INTS9: variants seen among roughly 807,000 people sequenced by gnomAD.
The protein encoded by INTS9 is integrator complex subunit 9.
A neutral mutation model predicts 79.7 loss-of-function variants in INTS9; 55 were observed. The ratio of observed to expected loss-of-function variants is 0.69; its 90% confidence interval spans 0.56 to 0.86. The LOEUF is 0.86. Ranked by LOEUF, INTS9 falls within the 40% of genes least tolerant of loss-of-function variation. The pLI, the probability that INTS9 is intolerant of heterozygous loss-of-function variation, is 0.00. For missense variants in INTS9, 721 were observed against 831.5 expected, an observed-to-expected ratio of 0.87 and a Z score of 1.64; for synonymous variants, 319 against 325.2, an observed-to-expected ratio of 0.98 and a Z score of 0.20.
intron 6 of INTS9, among the ~76,000 whole-genome samples, chr8:28,826,358 T>C (rs1273605475): frequency 6.6e-6 from 1 of 152,148 alleles, no homozygotes; most frequent in Non-Finnish European, 1.5e-5. Flanking sequence ...ACGTGTCCCG[T>C]CTGAACTGCA....
intron 5 of INTS9, among the ~76,000 whole-genome samples, chr8:28,836,232 GCTCT>G (rs1417190165): frequency 3.3e-5 from 5 of 152,298 alleles, no homozygotes; most frequent in African/African-American, 1.2e-4. Flanking sequence ...CAGAAGACTA[GCTCT>G]CTCTGAGATG....
At chr8:28,822,759 T>C (rs1400351124) in intron 6 of INTS9, among the ~76,000 whole-genome samples, 2 of 152,248 alleles carry the variant, frequency 1.3e-5, no homozygotes, top group Non-Finnish European at 2.9e-5. Flanking sequence ...TATAATGTTT[T>C]CAATATTGTA....
Position 28,889,954 on chromosome 8 carries a change from C to A in INTS9, c.-72G>T. On this transcript the variant is annotated 5_prime_UTR_variant, in exon 1 of 17. Transcript: ENST00000521022. Reference sequence around the variant, plus strand: ...CAGGAAGCGTCTTCCGGTGCAATCTCCGCCACCTGCCAGCCGAGAGCATCG... The same window carrying A: ...CAGGAAGCGTCTTCCGGTGCAATCTACGCCACCTGCCAGCCGAGAGCATCG... 2 of 1,250,610 alleles carry A rather than the reference C, an allele frequency of 1.6e-6. No homozygotes were observed. The highest frequency in any genetic ancestry group is 2.4e-5 in the South Asian group (2 of 81,712). The allele number at this position is 1,250,610 out of a possible 1,614,324, so 77.5% of individuals were successfully genotyped here.
intron 2 of INTS9, among the ~76,000 whole-genome samples, chr8:28,855,198 G>A (rs142564178): frequency 7.6e-4 from 115 of 152,312 alleles, no homozygotes; most frequent in African/African-American, 2.5e-3. Flanking sequence ...AACAATACAT[G>A]TGACTGCTCT....
intron 1 of INTS9, among the ~76,000 whole-genome samples, chr8:28,870,985 G>A (rs528745621): frequency 6.6e-6 from 1 of 152,340 alleles, no homozygotes; most frequent in African/African-American, 2.4e-5. Context: ...AGTTTTTAAA[G>A]ACAGCGAACA....
At chr8:28,882,230 C>T (rs1186140923) in intron 1 of INTS9, among the ~76,000 whole-genome samples, 1 of 130,762 alleles carries the variant, frequency 7.6e-6, no homozygotes, top group African/African-American at 2.7e-5. Flanking sequence ...GCAAGATGTG[C>T]TTTGTTAAAC....
At chr8:28,873,502 A>C (rs769412221) in intron 1 of INTS9, among the ~76,000 whole-genome samples, 1 of 152,374 alleles carries the variant, frequency 6.6e-6, no homozygotes, top group African/African-American at 2.4e-5. Flanking sequence ...CATTTAAATG[A>C]AGTTCAAGAA....
intron 9 of INTS9, among the ~76,000 whole-genome samples, chr8:28,795,594 C>A (rs982333030): frequency 7.8e-6 from 1 of 128,990 alleles, no homozygotes; most frequent in Admixed American, 9.7e-5. Context: ...GAGCCAAGAT[C>A]GTGCCACTGC....
intron 1 of INTS9, among the ~76,000 whole-genome samples, chr8:28,873,836 T>C (rs566458305): frequency 6.6e-6 from 1 of 152,204 alleles, no homozygotes; most frequent in African/African-American, 2.4e-5. Flanking sequence ...GGATCCCCCC[T>C]TCCCACTATC....
chr8:28,823,354 G>T (rs1472321158), intron 6 of INTS9, among the ~76,000 whole-genome samples: 2 of 151,856 alleles, frequency 1.3e-5, no homozygotes, highest in Non-Finnish European at 2.9e-5. Context: ...GAAAGGGAAT[G>T]GAGTTCGAGA....
intron 1 of INTS9, among the ~76,000 whole-genome samples, chr8:28,885,189 A>G (rs1810117822): frequency 1.3e-5 from 2 of 152,246 alleles, no homozygotes; most frequent in Admixed American, 6.5e-5. Flanking sequence ...CAAAGGAGCA[A>G]AGACCACTGA....
chr8:28,816,310 C>G (rs184048573), intron 6 of INTS9, among the ~76,000 whole-genome samples: 1 of 123,590 alleles, frequency 8.1e-6, no homozygotes, highest in African/African-American at 3.0e-5. Context: ...CCCCTCCCCC[C>G]ACCCACAACA....
intron 1 of INTS9, among the ~76,000 whole-genome samples, chr8:28,883,466 A>T (rs1219406034): frequency 6.6e-6 from 1 of 152,242 alleles, no homozygotes; most frequent in Non-Finnish European, 1.5e-5. Flanking sequence ...AAAAGTAAAG[A>T]AACAGCATCA....
intron 1 of INTS9, among the ~76,000 whole-genome samples, chr8:28,879,877 AGAC>A (rs1809603192): frequency 6.6e-6 from 1 of 152,176 alleles, no homozygotes; most frequent in Non-Finnish European, 1.5e-5. Context: ...AAATCTACCG[AGAC>A]TCGTGGTTGC....
rs138158389 is a variant in INTS9 at position 28,831,704 on chromosome 8, T to C, written c.488+3588A>G. The stretch of plus-strand genomic sequence containing the variant: ...CCCAAGATTTGGGAGTCAGGAAATA[T>C]TGCCCTTTTTTTTAGACAGAGTCTC... On this transcript the variant is annotated intron_variant, in intron 6 of 16. Coordinates refer to ENST00000521022, the MANE Select transcript of INTS9 (RefSeq NM_018250.4). 8.5e-5 allele frequency among the ~76,000 whole-genome samples: 13 copies of C among 152,192 alleles called. No individual in the cohort carries two copies. In the East Asian group the frequency reaches 2.5e-3, roughly 29 times the overall value.
rs566453227 is a variant in INTS9, at chr8:28,880,406, G to A, written c.9+9468C>T. On this transcript the variant is annotated intron_variant, in intron 1 of 16. Coordinates refer to ENST00000521022, the MANE Select transcript of INTS9 (RefSeq NM_018250.4). ...GCCGAGTGCCTGCGATTGCAGGCGC[G>A]TGCCGCCACGCCTGACTGGTTTTCG... Among the ~76,000 whole-genome samples the A allele has an allele frequency of 3.3e-5, 5 of 152,168 alleles. No individual in the cohort carries two copies. The East Asian group carries it at 5.8e-4, about 18-fold the overall frequency.
chr8:28,860,476 T>G (rs773169706), intron 1 of INTS9, among the ~76,000 whole-genome samples: 2 of 140,380 alleles, frequency 1.4e-5, no homozygotes, highest in South Asian at 2.2e-4. Context: ...CATTCTCTCC[T>G]TTTTTTTTTT....
rs1803238792 is a variant in INTS9 at position 28,781,139 on chromosome 8, C to G, written c.1099-145G>C. 3 of 635,388 alleles carry G rather than the reference C, an allele frequency of 4.7e-6. No homozygotes were observed. In the East Asian group the frequency reaches 8.3e-5, roughly 17 times the overall value. 39.4% of individuals were successfully genotyped at this position (635,388 alleles called of 1,614,324 possible). A position where few individuals can be genotyped will look rare whatever the true frequency, so the allele number is the denominator to read the frequency against. The stretch of plus-strand genomic sequence containing the variant: ...ATTGGGAGAAAATACCTGCAAAAGT[C>G]ACACCTGAGAGAGGACTGTGACCCA... On this transcript the variant is annotated intron_variant, in intron 11 of 16. Coordinates refer to ENST00000521022, the MANE Select transcript of INTS9 (RefSeq NM_018250.4).
In INTS9 at chr8:28,775,889, G is replaced by A. The variant is rs1210911988; in HGVS notation, c.1433C>T (p.Pro478Leu). Residue 478 changes from proline (P) to leucine (L), a missense_variant, in exon 14 of 17, where the codon CCG becomes CTG. Coordinates refer to ENST00000521022, the MANE Select transcript of INTS9 (RefSeq NM_018250.4). ...HVVCPEQYTQPPPAQSHRMDL... is the reference protein window; with the variant it reads ...HVVCPEQYTQLPPAQSHRMDL... ...CATCCTGTGGGACTGGGCTGGGGGC[G>A]GCTGAGTGTACTGCTCAGGACACAC... 8 of 1,605,972 alleles carry A rather than the reference G, an allele frequency of 5.0e-6. No homozygotes were observed. The highest frequency in any genetic ancestry group is 1.7e-4 in the Middle Eastern group (1 of 6,040).
Sources: allele counts gnomAD v4.1 joint callset (sites outside exome capture counted in the v4.1 genomes callset), GRCh38; gene constraint gnomAD v4.1.1; transcripts MANE v1.5; gene names NCBI Gene and HGNC (gene_info 2026-07-23, HGNC 2026-07-21).